Variants in SAMMSON observed in about 807,000 individuals in gnomAD.
The protein encoded by SAMMSON is survival associated mitochondrial melanoma specific oncogenic non-coding RNA.
At chr3:70,084,558 C>T (rs2106643034) in intron 4 of SAMMSON, among the ~76,000 whole-genome samples, 1 of 152,064 alleles carries the variant, frequency 6.6e-6, no homozygotes, top group East Asian at 1.9e-4. Flanking sequence ...GGGTACAGGC[C>T]CCTTGCCTTC....
At chr3:70,262,718 A>C (rs1423444990) in intron 6 of SAMMSON, among the ~76,000 whole-genome samples, 1 of 152,112 alleles carries the variant, frequency 6.6e-6, no homozygotes, top group African/African-American at 2.4e-5. Context: ...GGGTTATTGG[A>C]GATTCCGGGA....
At chr3:70,299,159 A>G (rs1702320664) in intron 7 of SAMMSON, among the ~76,000 whole-genome samples, 1 of 152,166 alleles carries the variant, frequency 6.6e-6, no homozygotes, top group Non-Finnish European at 1.5e-5. Context: ...TTGGTTACAT[A>G]TATTTTGTTA....
chr3:70,032,092 T>A (rs2107584089), intron 3 of SAMMSON, among the ~76,000 whole-genome samples: 1 of 152,274 alleles, frequency 6.6e-6, no homozygotes, highest in South Asian at 2.1e-4. Context: ...GAATTCTATT[T>A]TTAAATTTAT....
chr3:70,290,567 T>C (rs1224332466), intron 6 of SAMMSON, among the ~76,000 whole-genome samples: 1 of 152,260 alleles, frequency 6.6e-6, no homozygotes, highest in Non-Finnish European at 1.5e-5. Flanking sequence ...GCAGGCCTCC[T>C]TGAGCTGTGG....
At chr3:70,018,445 A>C (rs2066996736) in intron 3 of SAMMSON, among the ~76,000 whole-genome samples, 1 of 151,986 alleles carries the variant, frequency 6.6e-6, no homozygotes, top group East Asian at 1.9e-4. Flanking sequence ...ATCATTTTTT[A>C]TTGCGTCTAT....
intron 4 of SAMMSON, among the ~76,000 whole-genome samples, chr3:70,197,362 C>T (rs963134404): frequency 2.6e-5 from 4 of 152,184 alleles, no homozygotes; most frequent in African/African-American, 9.7e-5. Context: ...AGTACTCACT[C>T]TACTTAAGTA....
At chr3:70,194,545 C>T (rs185757695) in intron 4 of SAMMSON, among the ~76,000 whole-genome samples, 12 of 152,208 alleles carry the variant, frequency 7.9e-5, no homozygotes, top group East Asian at 5.8e-4. Context: ...TTTGTATAAC[C>T]GACCCTTTCT....
chr3:70,336,385 A>G (rs1702660397), intron 7 of SAMMSON, among the ~76,000 whole-genome samples: 1 of 152,014 alleles, frequency 6.6e-6, no homozygotes, highest in South Asian at 2.1e-4. Flanking sequence ...ATTGTAGGAC[A>G]AGAGTAATCA....
intron 6 of SAMMSON, among the ~76,000 whole-genome samples, chr3:70,274,150 G>A (rs1245479156): frequency 1.3e-5 from 2 of 151,474 alleles, no homozygotes; most frequent in African/African-American, 2.4e-5. Flanking sequence ...AAAATAATGT[G>A]AAATTATACT....
chr3:70,131,163 C>T (rs897074285), intron 4 of SAMMSON, among the ~76,000 whole-genome samples: 7 of 152,150 alleles, frequency 4.6e-5, no homozygotes, highest in African/African-American at 7.2e-5. Flanking sequence ...AGAAGTCAGA[C>T]GAGCTTTAAG....
downstream of SAMMSON, among the ~76,000 whole-genome samples, chr3:70,391,024 A>G (rs907018687): frequency 1.3e-5 from 2 of 152,162 alleles, no homozygotes; most frequent in Non-Finnish European, 2.9e-5. Flanking sequence ...ATATGTTACC[A>G]CATTTCATCA....
At chr3:70,281,376 G>C (rs1702080805) in intron 6 of SAMMSON, among the ~76,000 whole-genome samples, 1 of 151,984 alleles carries the variant, frequency 6.6e-6, no homozygotes, top group African/African-American at 2.4e-5. Context: ...CTGTCTAATG[G>C]GTACGATCAT....
chr3:70,215,114 C>T (rs538606545), intron 4 of SAMMSON, among the ~76,000 whole-genome samples: 1 of 152,160 alleles, frequency 6.6e-6, no homozygotes, highest in Non-Finnish European at 1.5e-5. Flanking sequence ...TTCATCCGAA[C>T]TATTTGAATG....
chr3:70,049,660 A>C (rs992928575), intron 3 of SAMMSON, among the ~76,000 whole-genome samples: 8 of 152,114 alleles, frequency 5.3e-5, no homozygotes, highest in African/African-American at 1.9e-4. Flanking sequence ...CATCATCATC[A>C]CCATCATCAT....
rs1292314625 is a variant in SAMMSON at position 70,125,322 on chromosome 3, C to A, written n.507+53757C>A. ...CCAAAAATATATTTAAGGTCCTTTT[C>A]TTGAACATGTTTAGCTAAATTCTTT... On this transcript the variant is annotated intron_variant and non_coding_transcript_variant, in intron 4 of 9. Coordinates refer to ENST00000642114, the Ensembl canonical transcript of SAMMSON. 3.6e-6 allele frequency: 5 copies of A among 1,398,680 alleles called. No homozygotes were observed. In the Admixed American group the frequency reaches 9.4e-5, roughly 26 times the overall value. 86.6% of individuals were successfully genotyped at this position (1,398,680 alleles called of 1,614,324 possible).
chr3:70,252,005 G>A (rs577538447), intron 6 of SAMMSON, among the ~76,000 whole-genome samples: 1 of 152,260 alleles, frequency 6.6e-6, no homozygotes, highest in African/African-American at 2.4e-5. Flanking sequence ...AAAATTGAAG[G>A]CAAAACAAGT....
chr3:70,061,228 A>G (rs1408628109), intron 3 of SAMMSON, among the ~76,000 whole-genome samples: 2 of 152,020 alleles, frequency 1.3e-5, no homozygotes, highest in African/African-American at 2.4e-5. Flanking sequence ...TGGTTGAGAT[A>G]CCGACAGGAC....
At chr3:70,020,372 T>C (rs919753853) in intron 3 of SAMMSON, among the ~76,000 whole-genome samples, 5 of 152,140 alleles carry the variant, frequency 3.3e-5, no homozygotes, top group African/African-American at 1.2e-4. Context: ...TTTTGACCTC[T>C]CCTAGGAAAT....
chr3:70,185,173 G>C (rs1043983497), intron 4 of SAMMSON, among the ~76,000 whole-genome samples: 1 of 152,216 alleles, frequency 6.6e-6, no homozygotes, highest in East Asian at 1.9e-4. Context: ...GAAGTTTTAA[G>C]CATCAGACTC....
Sources: gnomAD v4.1 joint callset for allele counts (sites outside exome capture counted in the v4.1 genomes callset) on GRCh38, gnomAD v4.1.1 for gene constraint, MANE v1.5 for transcripts, NCBI Gene and HGNC (gene_info 2026-07-23, HGNC 2026-07-21) for gene names.